The following STK4 variants were observed in gnomAD, a reference collection of about 807,000 sequenced individuals.
STK4 encodes the protein serine/threonine kinase 4.
STK4 carries 30 observed loss-of-function variants against 64.9 expected under a neutral mutation model. The ratio of observed to expected loss-of-function variants is 0.46; its 90% confidence interval spans 0.35 to 0.63. The LOEUF (loss-of-function observed/expected upper bound fraction) is 0.63, where lower values mean the gene tolerates loss of function less well. Among genes scored for constraint, STK4 ranks in the 20% least tolerant of loss-of-function variants. STK4 has a pLI of 0.01. For missense variants in STK4, 466 were observed against 598.5 expected (o/e 0.78, Z 2.31); for synonymous variants, 177 against 199.0 (o/e 0.89, Z 0.93).
chr20:44,999,327 G>A (rs1408963205), intron 7 of STK4, among the ~76,000 whole-genome samples: 2 of 152,146 alleles, frequency 1.3e-5, no homozygotes, highest in Non-Finnish European at 2.9e-5. Flanking sequence ...CCTGGATGGG[G>A]TAGTGACAAA....
At chr20:44,988,923 T>C (rs1021836057) in intron 5 of STK4, among the ~76,000 whole-genome samples, 1 of 152,170 alleles carries the variant, frequency 6.6e-6, no homozygotes, top group African/African-American at 2.4e-5. Context: ...TTGTTTAACA[T>C]AATGTTTTTG....
At chr20:45,044,194 C>T (rs1377579605) in intron 10 of STK4, among the ~76,000 whole-genome samples, 5 of 152,314 alleles carry the variant, frequency 3.3e-5, no homozygotes, top group Middle Eastern at 3.4e-3. Context: ...ATTTTCAAAT[C>T]TTGAAGCTCT....
intron 10 of STK4, among the ~76,000 whole-genome samples, chr20:45,050,535 C>A (rs2145437154): frequency 6.6e-6 from 1 of 152,212 alleles, no homozygotes. Context: ...AATTTTGATA[C>A]ATATTGTTAA....
intron 5 of STK4, among the ~76,000 whole-genome samples, chr20:44,994,080 T>C (rs1307437795): frequency 1.3e-5 from 2 of 152,096 alleles, no homozygotes; most frequent in African/African-American, 4.8e-5. Flanking sequence ...CAAGTGGTTA[T>C]TTGCTGTAAT....
chr20:45,020,466 GTATGTTTA>G (rs938494491), intron 9 of STK4, among the ~76,000 whole-genome samples: 35 of 89,086 alleles, frequency 3.9e-4, no homozygotes, highest in African/African-American at 2.0e-3. Context: ...GTGTGTGTGT[GTATGTTTA>G]TGTTTATGTT....
chr20:44,999,915 C>T (rs539843342), intron 7 of STK4, among the ~76,000 whole-genome samples: 51 of 152,212 alleles, frequency 3.4e-4, no homozygotes, highest in Non-Finnish European at 6.9e-4. Context: ...TTGCATATCT[C>T]TTGAAAACAT....
rs1601160744 is a variant in STK4 at position 44,966,735 on chromosome 20, G to C, written c.35+132G>C. 17 of 993,760 alleles carry C rather than the reference G, an allele frequency of 1.7e-5. No individual in the cohort carries two copies. In the East Asian group the frequency reaches 5.0e-4, roughly 29 times the overall value. The allele number at this position is 993,760 out of a possible 1,614,324, so 61.6% of individuals were successfully genotyped here. ...AGCCGATGGGGCACCTGCTGAGTGA[G>C]GGGGGGGACGTCTGGTGGGTGAGGG... On this transcript the variant is annotated intron_variant, in intron 1 of 10. Transcript: ENST00000372806.
chr20:44,987,699 C>A (rs1202249032), intron 5 of STK4, among the ~76,000 whole-genome samples: 1 of 151,784 alleles, frequency 6.6e-6, no homozygotes, highest in Non-Finnish European at 1.5e-5. Flanking sequence ...ACACTCTGTT[C>A]GTTTGAGTCC....
At chr20:44,972,358 A>G in intron 2 of STK4, 200 bp downstream of exon 2, 1 of 483,464 alleles carries the variant, frequency 2.1e-6, no homozygotes. Context: ...AACACGAAGA[A>G]TATCTATTGT....
rs531322314 is a variant in STK4, at chr20:45,078,897, C to T, written c.*3721C>T. 1.1e-4 allele frequency: 17 copies of T among 152,150 alleles called. No homozygotes were observed. The highest frequency in any genetic ancestry group is 3.9e-4 in the African/African-American group (16 of 41,440). The allele number at this position is 152,150 out of a possible 1,614,324, so 9.4% of individuals were successfully genotyped here. On this transcript the variant is annotated 3_prime_UTR_variant, in exon 11 of 11. Coordinates refer to ENST00000372806, the MANE Select transcript of STK4 (RefSeq NM_006282.5). Reference sequence around the variant, plus strand: ...GATACATCCTATGGGTATTAAAAAGCCAATAGAATATTATGAATAATTTTA... The same window carrying T: ...GATACATCCTATGGGTATTAAAAAGTCAATAGAATATTATGAATAATTTTA...
At position 44,997,596 on chromosome 20, in the gene STK4, G is replaced by A. The variant is rs116659290; in HGVS notation, c.831+290G>A. 3.0e-3 allele frequency among the ~76,000 whole-genome samples: 456 copies of A among 152,228 alleles called. 2 individuals carry two copies. The highest frequency in any genetic ancestry group is 0.01 in the African/African-American group (434 of 41,526). ...TTCCAGCTACCTGGAAGGCTGAGGT[G>A]GGAGGTGGGAGAATCTCTTGATCCC... On this transcript the variant is annotated intron_variant, in intron 7 of 10. Transcript: ENST00000372806.
intron 10 of STK4, among the ~76,000 whole-genome samples, chr20:45,069,356 G>T (rs946515408): frequency 3.9e-5 from 6 of 152,184 alleles, no homozygotes; most frequent in African/African-American, 1.4e-4. Context: ...CTCTAGGGTT[G>T]GCCCTTATTT....
chr20:45,022,115 C>T (rs530873757), intron 9 of STK4, among the ~76,000 whole-genome samples: 4 of 151,940 alleles, frequency 2.6e-5, no homozygotes, highest in South Asian at 2.1e-4. Context: ...GGAATTTTTC[C>T]GTTCTTCTGT....
At position 45,006,691 on chromosome 20, in the gene STK4, C is replaced by G. The variant is rs186321984; in HGVS notation, c.1147+5338C>G. Among the ~76,000 whole-genome samples, 126 of 152,254 alleles carry G rather than the reference C, an allele frequency of 8.3e-4. 1 individual carries two copies. The highest frequency in any genetic ancestry group is 4.1e-3 in the South Asian group (20 of 4,826). On this transcript the variant is annotated intron_variant, in intron 9 of 10. Coordinates refer to ENST00000372806, the MANE Select transcript of STK4 (RefSeq NM_006282.5). ...CTAGAGCAGTCTTTAGATTATTTCTCAGTTCCACATTGGACTTGTGGTACA... is the reference window on the plus strand; with the variant it reads ...CTAGAGCAGTCTTTAGATTATTTCTGAGTTCCACATTGGACTTGTGGTACA...
chr20:44,990,620 G>GGCA (rs2067615525), intron 5 of STK4, among the ~76,000 whole-genome samples: 1 of 152,064 alleles, frequency 6.6e-6, no homozygotes, highest in Admixed American at 6.6e-5. Flanking sequence ...TGGTGGTGGT[G>GGCA]GCAGTGGGGA....
At chr20:45,013,209 T>C (rs1476267839) in intron 9 of STK4, among the ~76,000 whole-genome samples, 21 of 152,056 alleles carry the variant, frequency 1.4e-4, no homozygotes, top group Admixed American at 1.4e-3. Context: ...TTTTTTACCA[T>C]GGAGTCTGAT....
At chr20:45,049,206 C>G (rs1380430980) in intron 10 of STK4, among the ~76,000 whole-genome samples, 2 of 152,132 alleles carry the variant, frequency 1.3e-5, no homozygotes, top group Non-Finnish European at 2.9e-5. Context: ...GGAGAGCAAA[C>G]TTGAATCTAC....
chr20:45,050,678 A>G (rs950047280), intron 10 of STK4, among the ~76,000 whole-genome samples: 1 of 152,120 alleles, frequency 6.6e-6, no homozygotes, highest in Non-Finnish European at 1.5e-5. Flanking sequence ...CTTTTAACAT[A>G]TGTGGTAAAG....
At chr20:45,069,668 CACCCATCCAGAA>C (rs1185683786) in intron 10 of STK4, among the ~76,000 whole-genome samples, 1 of 152,186 alleles carries the variant, frequency 6.6e-6, no homozygotes, top group Non-Finnish European at 1.5e-5. Flanking sequence ...CTCTTCTTAG[CACCCATCCAGAA>C]CCTTGTTGCA....
Sources: gnomAD v4.1 joint callset for allele counts (sites outside exome capture counted in the v4.1 genomes callset) on GRCh38, gnomAD v4.1.1 for gene constraint, MANE v1.5 for transcripts, NCBI Gene and HGNC (gene_info 2026-07-23, HGNC 2026-07-21) for gene names.